Variants in SEC24D observed in about 807,000 individuals in gnomAD.
SEC24D encodes protein transport protein Sec24D.
A neutral mutation model predicts 116.9 loss-of-function variants in SEC24D; 69 were observed. The ratio of observed to expected loss-of-function variants is 0.59; its 90% confidence interval spans 0.49 to 0.72. The LOEUF (loss-of-function observed/expected upper bound fraction) is 0.72, where lower values mean the gene tolerates loss of function less well. SEC24D is among the 30% of genes least tolerant of loss of function. The pLI is 0.00. For synonymous variants in SEC24D, 405 were observed against 442.8 expected, an observed-to-expected ratio of 0.91 and a Z score of 1.07; for missense variants, 1,131 against 1,264.1, an observed-to-expected ratio of 0.89 and a Z score of 1.60.
At chr4:118,759,715 T>A (rs1251463879) in intron 10 of SEC24D, among the ~76,000 whole-genome samples, 1 of 152,210 alleles carries the variant, frequency 6.6e-6, no homozygotes, top group Non-Finnish European at 1.5e-5. Context: ...AACTGTTGCT[T>A]CTGTTTTTCA....
At chr4:118,734,570 A>G (rs1473296821) in intron 19 of SEC24D, among the ~76,000 whole-genome samples, 1 of 152,176 alleles carries the variant, frequency 6.6e-6, no homozygotes, top group African/African-American at 2.4e-5. Flanking sequence ...CACACTGAAA[A>G]GAAAATGTCC....
intron 8 of SEC24D, among the ~76,000 whole-genome samples, chr4:118,772,556 G>A (rs1207839208): frequency 6.6e-6 from 1 of 152,058 alleles, no homozygotes; most frequent in East Asian, 1.9e-4. Context: ...ATCCTCTGCC[G>A]ACTTTCCTTG....
chr4:118,776,872 C>T (rs1336553742), intron 8 of SEC24D, among the ~76,000 whole-genome samples: 1 of 152,096 alleles, frequency 6.6e-6, no homozygotes, highest in Admixed American at 6.6e-5. Context: ...CCTTCTATAG[C>T]TAGTGTTTTT....
intron 8 of SEC24D, among the ~76,000 whole-genome samples, chr4:118,771,239 T>C (rs1319985196): frequency 6.6e-6 from 1 of 152,222 alleles, no homozygotes; most frequent in East Asian, 1.9e-4. Flanking sequence ...CCAAGGGAAT[T>C]ATATTTACCT....
intron 13 of SEC24D, among the ~76,000 whole-genome samples, chr4:118,749,482 C>G (rs913909115): frequency 6.6e-6 from 1 of 152,156 alleles, no homozygotes; most frequent in Non-Finnish European, 1.5e-5. Flanking sequence ...GAGTACTGTT[C>G]TGAAATGTTT....
chr4:118,804,078 G>C, intron 7 of SEC24D, among the ~76,000 whole-genome samples: 1 of 152,082 alleles, frequency 6.6e-6, no homozygotes, highest in Admixed American at 6.6e-5. Context: ...TTGTGGGAGA[G>C]ACCTATCTAA....
chr4:118,828,088 C>G (rs1033437115), intron 2 of SEC24D, among the ~76,000 whole-genome samples: 1 of 152,022 alleles, frequency 6.6e-6, no homozygotes, highest in Non-Finnish European at 1.5e-5. Flanking sequence ...CCCACAGCCC[C>G]TGTTCTAGGT....
chr4:118,812,861 C>A (rs187753113), intron 6 of SEC24D, among the ~76,000 whole-genome samples: 261 of 152,150 alleles, frequency 1.7e-3, no homozygotes, highest in Non-Finnish European at 3.2e-3. Flanking sequence ...AAAAGAGCAC[C>A]CTGTAACACA....
chr4:118,796,644 G>A (rs1032582667), intron 8 of SEC24D, among the ~76,000 whole-genome samples: 2 of 152,078 alleles, frequency 1.3e-5, no homozygotes, highest in African/African-American at 4.8e-5. Context: ...TCCCTTAGTG[G>A]ACATAAAGCC....
chr4:118,807,164 T>C (rs1729713348), intron 6 of SEC24D, among the ~76,000 whole-genome samples: 1 of 152,178 alleles, frequency 6.6e-6, no homozygotes, highest in Non-Finnish European at 1.5e-5. Flanking sequence ...CCTGGTTCCT[T>C]GAGATGTAAG....
intron 8 of SEC24D, among the ~76,000 whole-genome samples, chr4:118,781,525 T>G (rs1728412926): frequency 6.6e-6 from 1 of 152,214 alleles, no homozygotes; most frequent in African/African-American, 2.4e-5. Flanking sequence ...TTAACATTTT[T>G]TCCTTCATTT....
intron 9 of SEC24D, 137 bp downstream of exon 9, chr4:118,768,036 G>T: frequency 1.6e-6 from 1 of 621,326 alleles, no homozygotes; most frequent in Non-Finnish European, 2.6e-6. Context: ...TGTCATAGTT[G>T]GTTTCCTTCT....
chr4:118,756,046 A>G (rs1283294267), intron 11 of SEC24D, among the ~76,000 whole-genome samples: 5 of 152,296 alleles, frequency 3.3e-5, no homozygotes, highest in Middle Eastern at 3.4e-3. Flanking sequence ...AGCATTGATA[A>G]GGAACAAGGG....
In SEC24D at chr4:118,777,658, T is replaced by C. The variant is rs540371360; in HGVS notation, c.1042-9347A>G. ...GGATTGCTGGGTCAAATGGTATTTC[T>C]AGTTCTAGATCCTTGAGGAATCATC... On this transcript the variant is annotated intron_variant, in intron 8 of 22. Transcript: ENST00000280551. Among the ~76,000 whole-genome samples the C allele has an allele frequency of 9.8e-5, 15 of 152,362 alleles. No homozygotes were observed. The South Asian group carries it at 3.1e-3, about 32-fold the overall frequency.
chr4:118,831,849 G>A (rs2110544505), intron 2 of SEC24D, among the ~76,000 whole-genome samples: 1 of 152,122 alleles, frequency 6.6e-6, no homozygotes, highest in South Asian at 2.1e-4. Context: ...GAACATGGAG[G>A]GAGAAACAGC....
chr4:118,830,310 C>T lies in SEC24D; in HGVS notation c.118+3269G>A, dbSNP rs114170861. Among the ~76,000 whole-genome samples the T allele has an allele frequency of 1.8e-3, 276 of 152,344 alleles. 1 individual carries two copies. The highest frequency in any genetic ancestry group is 6.5e-3 in the African/African-American group (269 of 41,568). ...AGGTGCCGAGGCTAACGCCTATAAT[C>T]TCAGCACTTTGCGAGGCCAAGGCGA... On this transcript the variant is annotated intron_variant, in intron 2 of 22. Transcript: ENST00000280551.
intron 9 of SEC24D, among the ~76,000 whole-genome samples, 154 bp downstream of exon 9, chr4:118,768,019 T>C (rs946586920): frequency 6.6e-6 from 1 of 152,212 alleles, no homozygotes; most frequent in South Asian, 2.1e-4. Flanking sequence ...ATTTCCCAAA[T>C]AGAGCCTGTC....
intron 3 of SEC24D, among the ~76,000 whole-genome samples, chr4:118,823,918 C>G (rs1035984298): frequency 1.3e-5 from 2 of 152,116 alleles, no homozygotes; most frequent in African/African-American, 4.8e-5. Context: ...TTTTAAAATA[C>G]TTATTAAGCA....
intron 2 of SEC24D, among the ~76,000 whole-genome samples, chr4:118,830,610 T>C (rs1317362256): frequency 1.3e-5 from 2 of 151,854 alleles, no homozygotes; most frequent in South Asian, 4.1e-4. Flanking sequence ...ACATTATATA[T>C]ATATGTATAT....
Sources: gnomAD v4.1 joint callset for allele counts (sites outside exome capture counted in the v4.1 genomes callset) on GRCh38, gnomAD v4.1.1 for gene constraint, MANE v1.5 for transcripts, NCBI Gene and HGNC (gene_info 2026-07-23, HGNC 2026-07-21) for gene names.